GTF2F2: variants seen among roughly 807,000 people sequenced by gnomAD.
GTF2F2 encodes the protein general transcription factor IIF subunit 2.
Under a neutral mutation model 42.2 loss-of-function variants are expected in GTF2F2, and 23 were observed. That is an observed-to-expected ratio of 0.55 (90% CI 0.39 to 0.77). The LOEUF is 0.77. Among genes scored for constraint, GTF2F2 ranks in the 30% least tolerant of loss-of-function variants. The probability of loss-of-function intolerance (pLI) is 0.00; values close to 1 mark genes in which losing one functional copy is unlikely to be tolerated. For missense variants in GTF2F2, 261 were observed against 287.2 expected, an observed-to-expected ratio of 0.91 and a Z score of 0.66; for synonymous variants, 105 against 100.8, an observed-to-expected ratio of 1.04 and a Z score of -0.25.
intron 4 of GTF2F2, among the ~76,000 whole-genome samples, chr13:45,189,884 C>G (rs1027666222): frequency 2.6e-5 from 4 of 152,088 alleles, no homozygotes; most frequent in Non-Finnish European, 5.9e-5. Context: ...ATTTGCAATA[C>G]TATTCAGGAT....
At chr13:45,232,001 T>A (rs542408383) in intron 5 of GTF2F2, among the ~76,000 whole-genome samples, 2 of 152,214 alleles carry the variant, frequency 1.3e-5, no homozygotes, top group Non-Finnish European at 2.9e-5. Context: ...CAACAGGAAT[T>A]TTGCAGAATA....
At chr13:45,266,851 C>T (rs1876581722) in intron 6 of GTF2F2, among the ~76,000 whole-genome samples, 1 of 152,126 alleles carries the variant, frequency 6.6e-6, no homozygotes, top group Non-Finnish European at 1.5e-5. Context: ...ATGGATGACT[C>T]AAAAGAGAAT....
At chr13:45,125,045 A>G (rs536608819) in intron 1 of GTF2F2, among the ~76,000 whole-genome samples, 4 of 152,354 alleles carry the variant, frequency 2.6e-5, no homozygotes, top group African/African-American at 7.2e-5. Context: ...AGTTATATAC[A>G]AGGGAGAGAT....
chr13:45,171,015 C>T (rs78183077), intron 4 of GTF2F2, among the ~76,000 whole-genome samples: 1,807 of 150,026 alleles, frequency 0.012, 33 homozygotes, highest in African/African-American at 0.037. Flanking sequence ...GAGAAAGCAA[C>T]GTTGCTTGCA....
intron 1 of GTF2F2, among the ~76,000 whole-genome samples, chr13:45,130,851 A>G (rs1869306019): frequency 6.6e-6 from 1 of 152,174 alleles, no homozygotes; most frequent in Non-Finnish European, 1.5e-5. Flanking sequence ...AGGCAGTTGG[A>G]TATATAAATT....
chr13:45,134,865 A>G (rs1257963894), intron 1 of GTF2F2, among the ~76,000 whole-genome samples: 2 of 151,894 alleles, frequency 1.3e-5, no homozygotes, highest in African/African-American at 2.4e-5. Flanking sequence ...GGATGAGGAG[A>G]ATGTGATTTT....
chr13:45,187,215 C>T (rs1261547935), intron 4 of GTF2F2, among the ~76,000 whole-genome samples: 5 of 152,028 alleles, frequency 3.3e-5, no homozygotes, highest in African/African-American at 1.2e-4. Context: ...CAAAGTGAGA[C>T]TCCATCTCTA....
At chr13:45,262,110 GCCTGTAATT>G in intron 6 of GTF2F2, among the ~76,000 whole-genome samples, 1 of 152,290 alleles carries the variant, frequency 6.6e-6, no homozygotes, top group African/African-American at 2.4e-5. Context: ...AGTGGCTCAT[GCCTGTAATT>G]CCAGCACTTT....
At chr13:45,172,465 G>A (rs1030174395) in intron 4 of GTF2F2, among the ~76,000 whole-genome samples, 1 of 152,032 alleles carries the variant, frequency 6.6e-6, no homozygotes, top group Non-Finnish European at 1.5e-5. Flanking sequence ...GATATGATTT[G>A]CAAATATTTT....
Position 45,186,590 on chromosome 13 carries a change from C to T in GTF2F2, c.305-20834C>T, listed in dbSNP as rs923180262. The stretch of plus-strand genomic sequence containing the variant: ...ACAGGTGTGAGCCACCGCACCCAGC[C>T]GCCTGGCCGCCCAGCCTATTTTTAG... On this transcript the variant is annotated intron_variant, in intron 4 of 7. Coordinates refer to ENST00000340473, the MANE Select transcript of GTF2F2 (RefSeq NM_004128.3). Among the ~76,000 whole-genome samples the T allele has an allele frequency of 7.2e-5, 11 of 152,164 alleles. No homozygotes were observed. The East Asian group carries it at 9.6e-4, about 13-fold the overall frequency.
At chr13:45,225,457 C>T (rs148576791) in intron 5 of GTF2F2, among the ~76,000 whole-genome samples, 1 of 151,278 alleles carries the variant, frequency 6.6e-6, no homozygotes, top group East Asian at 1.9e-4. Flanking sequence ...ATAAGAATAA[C>T]GTTGGCCTGT....
At chr13:45,262,683 T>C (rs922532929) in intron 6 of GTF2F2, among the ~76,000 whole-genome samples, 3 of 152,124 alleles carry the variant, frequency 2.0e-5, no homozygotes, top group Non-Finnish European at 2.9e-5. Flanking sequence ...CCTCCCAAAG[T>C]GCTGAGATAA....
chr13:45,259,576 C>A (rs1876245083), intron 6 of GTF2F2, among the ~76,000 whole-genome samples: 1 of 151,390 alleles, frequency 6.6e-6, no homozygotes, highest in South Asian at 2.1e-4. Context: ...TATAGTTCTG[C>A]CATCTCCTGT....
chr13:45,159,421 T>TAA (rs1870926633), intron 4 of GTF2F2, among the ~76,000 whole-genome samples: 1 of 152,240 alleles, frequency 6.6e-6, no homozygotes, highest in Admixed American at 6.5e-5. Context: ...GACTCAGTCT[T>TAA]ACTATGTTGC....
In GTF2F2 at chr13:45,214,298, A is replaced by C. The variant is rs151264227; in HGVS notation, c.386+6793A>C. On this transcript the variant is annotated intron_variant, in intron 5 of 7. Transcript: ENST00000340473. Reference sequence around the variant, plus strand: ...GTAAGTTAGTAAGATTCTGTCATTCATTTAGATAAAGGTGGAAATTAAATA... The same window carrying C: ...GTAAGTTAGTAAGATTCTGTCATTCCTTTAGATAAAGGTGGAAATTAAATA... Among the ~76,000 whole-genome samples the C allele has an allele frequency of 2.2e-4, 34 of 152,288 alleles. No individual in the cohort carries two copies. In the East Asian group the frequency reaches 3.5e-3, roughly 16 times the overall value.
rs910259640 is a variant in GTF2F2 at position 45,263,309 on chromosome 13, G to A, written c.487-3924G>A. Reference sequence around the variant, plus strand: ...GTGGCGCGATCTCGGCTCACTGCAAGCTCCGCCTCCCAAGGTTCACACCAT... The same window carrying A: ...GTGGCGCGATCTCGGCTCACTGCAAACTCCGCCTCCCAAGGTTCACACCAT... On this transcript the variant is annotated intron_variant, in intron 6 of 7. Transcript: ENST00000340473. 2.2e-4 allele frequency among the ~76,000 whole-genome samples: 33 copies of A among 151,688 alleles called. 1 individual carries two copies. The highest frequency in any genetic ancestry group is 7.0e-4 in the African/African-American group (29 of 41,402).
intron 6 of GTF2F2, among the ~76,000 whole-genome samples, chr13:45,262,572 T>G (rs1248439850): frequency 1.3e-5 from 2 of 151,470 alleles, no homozygotes; most frequent in Non-Finnish European, 2.9e-5. Context: ...GGACTACAGG[T>G]GAGTGCCACC....
At chr13:45,216,670 A>G (rs1019955525) in intron 5 of GTF2F2, among the ~76,000 whole-genome samples, 6 of 151,796 alleles carry the variant, frequency 4.0e-5, no homozygotes, top group African/African-American at 1.5e-4. Context: ...AGCATGCGCC[A>G]CCACGCCTGG....
chr13:45,224,183 A>G (rs1874235785), intron 5 of GTF2F2, among the ~76,000 whole-genome samples: 1 of 152,194 alleles, frequency 6.6e-6, no homozygotes, highest in Non-Finnish European at 1.5e-5. Flanking sequence ...GCCCCAGAGT[A>G]TTATGCTTTG....
Sources: gnomAD v4.1 joint callset for allele counts (sites outside exome capture counted in the v4.1 genomes callset) on GRCh38, gnomAD v4.1.1 for gene constraint, MANE v1.5 for transcripts, NCBI Gene and HGNC (gene_info 2026-07-23, HGNC 2026-07-21) for gene names.